CDKL4: variants seen among roughly 807,000 people sequenced by gnomAD.
CDKL4 encodes cyclin-dependent kinase-like 4.
Under a neutral mutation model 42.0 loss-of-function variants are expected in CDKL4, and 44 were observed. That is an observed-to-expected ratio of 1.05 (90% confidence interval 0.82 to 1.35). The LOEUF is 1.35. CDKL4 is among the 40% of genes most tolerant of loss of function. CDKL4 has a pLI of 0.00. For synonymous variants in CDKL4, 120 were observed against 121.6 expected, an observed-to-expected ratio of 0.99 and a Z score of 0.09; for missense variants, 393 against 369.9, an observed-to-expected ratio of 1.06 and a Z score of -0.51.
At chr2:39,211,059 C>T (rs1677557685) in intron 4 of CDKL4, among the ~76,000 whole-genome samples, 1 of 152,152 alleles carries the variant, frequency 6.6e-6, no homozygotes. Flanking sequence ...GTATCATTGC[C>T]TCAGCACTGT....
intron 5 of CDKL4, 83 bp from the exon 6 acceptor site, chr2:39,190,585 G>A (rs1676126092): frequency 8.6e-7 from 1 of 1,163,700 alleles, no homozygotes; most frequent in Non-Finnish European, 1.3e-6. Context: ...CATTCAGGCT[G>A]CAATAACCAT....
At chr2:39,168,945 C>T in the CDKL4 span, among the ~76,000 whole-genome samples, 1 of 151,876 alleles carries the variant, frequency 6.6e-6, no homozygotes, top group Non-Finnish European at 1.5e-5. Flanking sequence ...TTAGTAAAGA[C>T]GGGGTTTCAC....
intron 1 of CDKL4, 23 bp from the exon 2 acceptor site, chr2:39,229,611 C>T (rs1678972595): frequency 8.9e-7 from 1 of 1,128,578 alleles, no homozygotes; most frequent in Admixed American, 2.4e-5. Context: ...GTAGACTTGC[C>T]TTAATCAAGC....
chr2:39,220,794 C>T (rs1438792162), intron 3 of CDKL4, among the ~76,000 whole-genome samples: 1 of 150,064 alleles, frequency 6.7e-6, no homozygotes, highest in Non-Finnish European at 1.5e-5. Flanking sequence ...ACCATGTTGG[C>T]CAGGATGGTC....
chr2:39,229,088 G>T (rs1232893674), intron 2 of CDKL4, among the ~76,000 whole-genome samples: 1 of 152,108 alleles, frequency 6.6e-6, no homozygotes, highest in Non-Finnish European at 1.5e-5. Flanking sequence ...GAGGGCCAGG[G>T]TTGGGGGCGA....
chr2:39,217,762 T>G (rs190499740), intron 3 of CDKL4, among the ~76,000 whole-genome samples: 1 of 151,998 alleles, frequency 6.6e-6, no homozygotes, highest in East Asian at 1.9e-4. Context: ...AGATAGAGTT[T>G]CGCTCTTGTT....
intron 5 of CDKL4, among the ~76,000 whole-genome samples, chr2:39,198,673 C>G (rs1187907220): frequency 6.7e-6 from 1 of 149,622 alleles, no homozygotes. Context: ...GAAATCAACT[C>G]CAAAAGGAAT....
intron 2 of CDKL4, among the ~76,000 whole-genome samples, chr2:39,226,289 G>C (rs1049158370): frequency 2.6e-5 from 4 of 151,160 alleles, no homozygotes; most frequent in African/African-American, 7.3e-5. Context: ...TATTGCCATG[G>C]ATTTTATGGA....
intron 1 of CDKL4, among the ~76,000 whole-genome samples, chr2:39,230,460 G>A (rs140771155): frequency 3.0e-4 from 45 of 152,268 alleles, no homozygotes; most frequent in Non-Finnish European, 5.9e-4. Context: ...TAAACACAAA[G>A]AAAGCATTCA....
intron 5 of CDKL4, among the ~76,000 whole-genome samples, chr2:39,202,238 C>CAAACA (rs58302117): frequency 0.032 from 4,751 of 148,760 alleles, 174 homozygotes; most frequent in African/African-American, 0.088. Flanking sequence ...GACACTGTCT[C>CAAACA]AAACAAAACA....
chr2:39,195,542 A>G (rs1676456310), intron 5 of CDKL4, among the ~76,000 whole-genome samples: 1 of 151,562 alleles, frequency 6.6e-6, no homozygotes, highest in African/African-American at 2.4e-5. Flanking sequence ...TGTGGTTTTG[A>G]TTTGCATATC....
chr2:39,198,638 C>T (rs1676663340), intron 5 of CDKL4, among the ~76,000 whole-genome samples: 1 of 152,070 alleles, frequency 6.6e-6, no homozygotes, highest in African/African-American at 2.4e-5. Flanking sequence ...CAAGAACTCT[C>T]ACAGATCACA....
intron 4 of CDKL4, among the ~76,000 whole-genome samples, chr2:39,208,121 A>G (rs1677321027): frequency 6.6e-6 from 1 of 151,964 alleles, no homozygotes; most frequent in Admixed American, 6.6e-5. Context: ...AAATAAATAA[A>G]AATTTTTAAA....
Position 39,229,276 on chromosome 2 carries a change from G to A in CDKL4, c.168+89C>T, listed in dbSNP as rs1678947702. ...TACAAAGGAATTTAAGTCCAATGGGGGGAAAATAACTTTAAAATTCTTTGC... is the reference window on the plus strand; with the variant it reads ...TACAAAGGAATTTAAGTCCAATGGGAGGAAAATAACTTTAAAATTCTTTGC... On this transcript the variant is annotated intron_variant, in intron 2 of 9. Transcript: ENST00000451199. 28 of 957,540 alleles carry A rather than the reference G, an allele frequency of 2.9e-5. No homozygotes were observed. In the South Asian group the frequency reaches 4.3e-4, roughly 15 times the overall value. 59.3% of individuals were successfully genotyped at this position (957,540 alleles called of 1,614,324 possible).
chr2:39,206,804 T>C (rs1412167942), intron 4 of CDKL4, among the ~76,000 whole-genome samples: 2 of 152,224 alleles, frequency 1.3e-5, no homozygotes, highest in African/African-American at 4.8e-5. Context: ...AGTGTCACAA[T>C]AATCAACTCC....
chr2:39,221,372 A>C (rs1396793315), intron 3 of CDKL4, among the ~76,000 whole-genome samples: 1 of 152,054 alleles, frequency 6.6e-6, no homozygotes, highest in African/African-American at 2.4e-5. Flanking sequence ...TCCTCTAGTA[A>C]ACAATAGTCC....
intron 5 of CDKL4, among the ~76,000 whole-genome samples, chr2:39,194,775 A>C (rs1183472453): frequency 6.6e-6 from 1 of 152,142 alleles, no homozygotes; most frequent in Non-Finnish European, 1.5e-5. Flanking sequence ...CTATATATCT[A>C]TATATAGGAG....
intron 3 of CDKL4, among the ~76,000 whole-genome samples, chr2:39,216,453 T>C (rs1486262191): frequency 1.3e-5 from 2 of 152,184 alleles, no homozygotes; most frequent in Non-Finnish European, 1.5e-5. Flanking sequence ...AATAAGAAAT[T>C]TGGATTTTAT....
At chr2:39,191,272 G>A (rs2148304719) in intron 5 of CDKL4, among the ~76,000 whole-genome samples, 1 of 152,272 alleles carries the variant, frequency 6.6e-6, no homozygotes, top group East Asian at 1.9e-4. Flanking sequence ...GGTGGCACAT[G>A]CTTGTCGTCC....
Sources: gnomAD v4.1 joint callset for allele counts (sites outside exome capture counted in the v4.1 genomes callset) on GRCh38, gnomAD v4.1.1 for gene constraint, MANE v1.5 for transcripts, NCBI Gene and HGNC (gene_info 2026-07-23, HGNC 2026-07-21) for gene names.